ZNRF3: variants seen among roughly 807,000 people sequenced by gnomAD.
The protein encoded by ZNRF3 is zinc and ring finger 3.
In ZNRF3, 23 loss-of-function variants were observed where a neutral mutation model predicts 72.5. That is an observed-to-expected ratio of 0.32 (90% CI 0.23 to 0.45). The LOEUF is 0.45. Ranked by LOEUF, ZNRF3 falls within the 20% of genes least tolerant of loss-of-function variation. ZNRF3 has a pLI of 1.00. For missense variants in ZNRF3, 1,169 were observed against 1,272.1 expected (o/e 0.92, Z 1.23); for synonymous variants, 610 against 545.3 (o/e 1.12, Z -1.65).
chr22:29,035,639 G>A (rs1399013895), intron 2 of ZNRF3, among the ~76,000 whole-genome samples: 1 of 152,182 alleles, frequency 6.6e-6, no homozygotes, highest in Non-Finnish European at 1.5e-5. Context: ...GCAGTGGCGT[G>A]ATCTTGGCTC....
At chr22:28,892,115 A>G (rs540975899) in intron 1 of ZNRF3, among the ~76,000 whole-genome samples, 7 of 152,320 alleles carry the variant, frequency 4.6e-5, no homozygotes, top group Non-Finnish European at 1.0e-4. Flanking sequence ...GACCTTTCTT[A>G]CTTTGCACAG....
intron 1 of ZNRF3, among the ~76,000 whole-genome samples, chr22:28,969,542 C>T (rs903727794): frequency 6.6e-6 from 1 of 152,032 alleles, no homozygotes; most frequent in Non-Finnish European, 1.5e-5. Flanking sequence ...GGTAGGTAGG[C>T]CTGGCATGTG....
At chr22:28,999,284 A>G (rs1180246289) in intron 2 of ZNRF3, among the ~76,000 whole-genome samples, 1 of 152,070 alleles carries the variant, frequency 6.6e-6, no homozygotes, top group Non-Finnish European at 1.5e-5. Context: ...CAGTGAGCCA[A>G]GATGGTGCCA....
chr22:28,888,214 T>C (rs139518007), intron 1 of ZNRF3, among the ~76,000 whole-genome samples: 2 of 152,326 alleles, frequency 1.3e-5, no homozygotes, highest in East Asian at 3.9e-4. Flanking sequence ...AAATATCCGA[T>C]GTTAAGTAAA....
At chr22:28,892,014 G>A (rs2033896707) in intron 1 of ZNRF3, among the ~76,000 whole-genome samples, 1 of 152,172 alleles carries the variant, frequency 6.6e-6, no homozygotes, top group African/African-American at 2.4e-5. Context: ...GGGATTTCTG[G>A]TGTGAGACAC....
At chr22:28,972,322 G>A (rs1232018276) in intron 1 of ZNRF3, among the ~76,000 whole-genome samples, 2 of 152,176 alleles carry the variant, frequency 1.3e-5, no homozygotes, top group Non-Finnish European at 1.5e-5. Flanking sequence ...CTGATCGACT[G>A]TCTCTGTCCT....
At chr22:28,952,198 T>A (rs1482560749) in intron 1 of ZNRF3, among the ~76,000 whole-genome samples, 2 of 152,246 alleles carry the variant, frequency 1.3e-5, no homozygotes, top group Non-Finnish European at 2.9e-5. Flanking sequence ...CTTGCCAGGA[T>A]GTCCTTGTAA....
intron 2 of ZNRF3, among the ~76,000 whole-genome samples, chr22:28,993,952 C>T (rs1271945864): frequency 6.6e-6 from 1 of 152,278 alleles, no homozygotes; most frequent in South Asian, 2.1e-4. Flanking sequence ...GGATTACAGG[C>T]GTGAGCCACC....
chr22:29,040,569 A>C (rs2036944326), intron 2 of ZNRF3, among the ~76,000 whole-genome samples: 1 of 152,090 alleles, frequency 6.6e-6, no homozygotes, highest in Non-Finnish European at 1.5e-5. Flanking sequence ...TGTTGGCAGC[A>C]TGCCAGTGGC....
chr22:29,036,850 G>T (rs1265268534), intron 2 of ZNRF3, among the ~76,000 whole-genome samples: 1 of 152,000 alleles, frequency 6.6e-6, no homozygotes, highest in Non-Finnish European at 1.5e-5. Flanking sequence ...TATTTACAAA[G>T]AATTTTTAAT....
chr22:28,972,626 G>A (rs1457014654), intron 1 of ZNRF3, among the ~76,000 whole-genome samples: 2 of 152,176 alleles, frequency 1.3e-5, no homozygotes, highest in African/African-American at 2.4e-5. Flanking sequence ...ATATACTCAG[G>A]AGTGGAATTG....
chr22:29,025,578 A>C (rs1381946735), intron 2 of ZNRF3: 2 of 138,034 alleles, frequency 1.4e-5, no homozygotes, highest in Non-Finnish European at 3.2e-5. Context: ...TTTTTTTTTG[A>C]GACGGAGTCT....
chr22:28,918,785 T>C (rs1601556948), intron 1 of ZNRF3, among the ~76,000 whole-genome samples: 1 of 151,948 alleles, frequency 6.6e-6, no homozygotes, highest in Non-Finnish European at 1.5e-5. Flanking sequence ...CCTACTGGGG[T>C]AGGAAAGCTG....
chr22:28,902,337 A>G (rs1328342411), intron 1 of ZNRF3, among the ~76,000 whole-genome samples: 1 of 151,936 alleles, frequency 6.6e-6, no homozygotes, highest in African/African-American at 2.4e-5. Context: ...AGGACAGAGC[A>G]GTAGTTTTCC....
At chr22:28,918,761 C>A (rs979100743) in intron 1 of ZNRF3, among the ~76,000 whole-genome samples, 1 of 152,100 alleles carries the variant, frequency 6.6e-6, no homozygotes, top group African/African-American at 2.4e-5. Flanking sequence ...AAGTGGCCAG[C>A]CCTGTTCTTG....
chr22:28,976,995 G>C (rs778598279), intron 1 of ZNRF3, among the ~76,000 whole-genome samples: 2 of 152,184 alleles, frequency 1.3e-5, no homozygotes, highest in Middle Eastern at 3.4e-3. Flanking sequence ...ATTCTAGGGC[G>C]TGGGAGATAC....
chr22:29,018,114 A>T (rs1274149229), intron 2 of ZNRF3: 3 of 515,788 alleles, frequency 5.8e-6, no homozygotes, highest in African/African-American at 5.8e-5. Context: ...TCCAAACTGG[A>T]TCCAAAGGAG....
intron 2 of ZNRF3, among the ~76,000 whole-genome samples, chr22:29,016,024 AAAAAAC>A (rs1278319585): frequency 2.1e-5 from 3 of 142,946 alleles, no homozygotes; most frequent in Non-Finnish European, 4.5e-5. Flanking sequence ...CAAAAAAAAA[AAAAAAC>A]AAAAAAACTG....
chr22:29,048,576 G>A lies in ZNRF3; in HGVS notation c.1015+85G>A. 2 of 1,381,880 alleles carry A rather than the reference G, an allele frequency of 1.4e-6. No individual in the cohort carries two copies. The highest frequency in any genetic ancestry group is 2.0e-6 in the Non-Finnish European group (2 of 980,636). The allele number at this position is 1,381,880 out of a possible 1,614,324, so 85.6% of individuals were successfully genotyped here. A position where few individuals can be genotyped will look rare whatever the true frequency, so the allele number is the denominator to read the frequency against. ...CACACCGCAGGCTTGGGAACACTCAGAACCACCGTGGCACTGCCCTCTGGA... is the reference window on the plus strand; with the variant it reads ...CACACCGCAGGCTTGGGAACACTCAAAACCACCGTGGCACTGCCCTCTGGA... On this transcript the variant is annotated intron_variant, in intron 7 of 8. Transcript: ENST00000544604. This position sits in a 1 kb window ranked among gnomAD's most constrained non-coding sequence, Gnocchi z 4.9.
Sources: allele counts gnomAD v4.1 joint callset (sites outside exome capture counted in the v4.1 genomes callset), GRCh38; gene constraint gnomAD v4.1.1; non-coding constraint Gnocchi (gnomAD v3.1); transcripts MANE v1.5; gene names NCBI Gene and HGNC (gene_info 2026-07-23, HGNC 2026-07-21).